The following ALG1 variants were observed in gnomAD, a reference collection of about 807,000 sequenced individuals.
ALG1 encodes ALG1 chitobiosyldiphosphodolichol beta-mannosyltransferase, also known as chitobiosyldiphosphodolichol beta-mannosyltransferase.
In ALG1, 58 loss-of-function variants were observed where a neutral mutation model predicts 55.1. The observed-to-expected ratio is 1.05, with a 90% CI of 0.85 to 1.31. ALG1 has a LOEUF of 1.31. Ranked by LOEUF, ALG1 falls within the 50% of genes most tolerant of loss-of-function variation. The pLI is 0.00. For missense variants in ALG1, 761 were observed against 598.6 expected, an observed-to-expected ratio of 1.27 and a Z score of -2.83; for synonymous variants, 309 against 247.0, an observed-to-expected ratio of 1.25 and a Z score of -2.35.
intron 9 of ALG1, among the ~76,000 whole-genome samples, chr16:5,080,578 A>G (rs1424959378): frequency 6.6e-6 from 1 of 152,116 alleles, no homozygotes; most frequent in Non-Finnish European, 1.5e-5. Flanking sequence ...AACCCGCGCC[A>G]TATGCTCTGG....
At chr16:5,077,625 TG>T in intron 5 of ALG1, 91 bp downstream of exon 5, 1 of 1,346,884 alleles carries the variant, frequency 7.4e-7, no homozygotes, top group Non-Finnish European at 1.1e-6. Flanking sequence ...GCCGTCCTGC[TG>T]AGGGGCAATT....
Position 5,071,861 on chromosome 16 carries a change from A to T in ALG1, c.12A>T (p.Ser4=), listed in dbSNP as rs1007093269. Residue 4 remains serine (S), a synonymous_variant, in exon 1 of 13, where the codon TCA becomes TCT. Coordinates refer to ENST00000262374, the MANE Select transcript of ALG1 (RefSeq NM_019109.5). ...GCGGGCCAGCCAAGATGGCGGCCTC[A>T]TGCTTGGTCCTGCTGGCGCTGTGTC... MAA[S]CLVLLALCLL... is the part of the protein sequence containing the mutation. 1.1e-5 allele frequency: 17 copies of T among 1,605,024 alleles called. No individual in the cohort carries two copies. Among genetic ancestry groups the T allele is most frequent in the African/African-American group, 1.3e-5 (1 of 74,866 alleles).
At chr16:5,073,566 C>G (rs1956857957) in intron 3 of ALG1, 1 of 433,656 alleles carries the variant, frequency 2.3e-6, no homozygotes, top group South Asian at 2.2e-5. Flanking sequence ...TAAGGTTGTT[C>G]TCATTTAGAT....
chr16:5,076,139 G>A (rs976422823), intron 4 of ALG1, among the ~76,000 whole-genome samples: 1 of 152,226 alleles, frequency 6.6e-6, no homozygotes, highest in Non-Finnish European at 1.5e-5. Flanking sequence ...GAGCTGGGAA[G>A]GTCATCTGCT....
Position 5,085,500 on chromosome 16 carries a change from G to A in ALG1, c.*619G>A. 1.3e-6 allele frequency: 1 copy of A among 775,550 alleles called. No individual in the cohort carries two copies. The highest frequency in any genetic ancestry group is 2.3e-6 in the Non-Finnish European group (1 of 440,176). 48.0% of individuals were successfully genotyped at this position (775,550 alleles called of 1,614,324 possible). On this transcript the variant is annotated 3_prime_UTR_variant, in exon 13 of 13. Coordinates refer to ENST00000262374, the MANE Select transcript of ALG1 (RefSeq NM_019109.5). ...GATGTCTTATTAGAGGGCAGTTTGT[G>A]GTTCCTGATTTGGAAATTAACATTC... is the stretch of plus-strand genomic sequence containing the variant.
intron 10 of ALG1, 107 bp downstream of exon 10, chr16:5,081,163 G>C: frequency 7.8e-7 from 1 of 1,290,318 alleles, no homozygotes. Context: ...ACGGGACCTG[G>C]GCTCTGGCTG....
In ALG1 at chr16:5,085,598, A is replaced by G. The variant is rs1340724094; in HGVS notation, c.*717A>G. 1.4e-6 allele frequency: 2 copies of G among 1,430,258 alleles called. No individual in the cohort carries two copies. Among genetic ancestry groups the G allele is most frequent in the South Asian group, 1.1e-5 (1 of 87,408 alleles). 88.6% of individuals were successfully genotyped at this position (1,430,258 alleles called of 1,614,324 possible). A position where few individuals can be genotyped will look rare whatever the true frequency, so the allele number is the denominator to read the frequency against. On this transcript the variant is annotated 3_prime_UTR_variant, in exon 13 of 13. Coordinates refer to ENST00000262374, the MANE Select transcript of ALG1 (RefSeq NM_019109.5). ...AAATTCTTCCCATGAGAGTGACTTG[A>G]TTCTCACAATCCCGTTGGAGTCGTG...
intron 3 of ALG1, among the ~76,000 whole-genome samples, chr16:5,074,755 C>T (rs1416224193): frequency 2.0e-5 from 3 of 152,160 alleles, no homozygotes; most frequent in Non-Finnish European, 4.4e-5. Context: ...CCTCTTCTCC[C>T]CCATGCTTAC....
In ALG1 at chr16:5,075,396, A is replaced by AG; in HGVS notation, c.401dup (p.Leu135SerfsTer3). On this transcript the variant is annotated frameshift_variant, in exon 4 of 13. Transcript: ENST00000262374. LOFTEE classifies it high-confidence loss of function. ...GTCTCTATCTTTCCTAGAACCCCCC[A>AG]GGTCTGCCTAGCATTGCTGTCTGCT... 17 of 1,614,112 alleles carry AG rather than the reference A, an allele frequency of 1.1e-5. No individual in the cohort carries two copies. The highest frequency in any genetic ancestry group is 1.4e-5 in the Non-Finnish European group (17 of 1,180,020).
At chr16:5,078,524 C>G in intron 6 of ALG1, 2 of 767,958 alleles carry the variant, frequency 2.6e-6, no homozygotes, top group Non-Finnish European at 4.5e-6. Context: ...ACAGTAAGTC[C>G]CGTGGAGAAA....
In ALG1 at chr16:5,072,995, A is replaced by G; in HGVS notation, c.253A>G (p.Ile85Val). The G allele has an allele frequency of 1.2e-6, 2 of 1,614,174 alleles. No homozygotes were observed. The highest frequency in any genetic ancestry group is 1.7e-6 in the Non-Finnish European group (2 of 1,180,034). ...DELLQNNRIQ[I>V]VGLTELQSLA... ...GCTCTTGCAGAACAACAGAATTCAG[A>G]TTGTGGGGTTGACAGAACTTCAGAG... Residue 85 changes from isoleucine (I) to valine (V), a missense_variant, in exon 2 of 13, where the codon ATT becomes GTT. Coordinates refer to ENST00000262374, the MANE Select transcript of ALG1 (RefSeq NM_019109.5).
chr16:5,078,586 A>G (rs576837052), intron 6 of ALG1, 171 bp from the exon 7 acceptor site: 3 of 1,130,954 alleles, frequency 2.7e-6, no homozygotes, highest in African/African-American at 1.5e-5. Flanking sequence ...CAGCAACAAT[A>G]TTAGAGAAAG....
At chr16:5,072,600 G>A (rs1338943824) in intron 1 of ALG1, among the ~76,000 whole-genome samples, 1 of 152,204 alleles carries the variant, frequency 6.6e-6, no homozygotes, top group South Asian at 2.1e-4. Context: ...TCCCTGTTTA[G>A]AATCTGCTAT....
At position 5,085,845 on chromosome 16, in the gene ALG1, T is replaced by C. The variant is rs1957144189; in HGVS notation, c.*964T>C. The C allele has an allele frequency of 1.2e-6, 1 of 847,930 alleles. No homozygotes were observed. Among genetic ancestry groups the C allele is most frequent in the East Asian group, 2.5e-5 (1 of 40,226 alleles). 52.5% of individuals were successfully genotyped at this position (847,930 alleles called of 1,614,324 possible). A position where few individuals can be genotyped will look rare whatever the true frequency, so the allele number is the denominator to read the frequency against. ...CGGGGTAGGGGGGTGTCCAAGTCAG[T>C]TTACTTGGTTCACAGGTTCCCAGGC... On this transcript the variant is annotated 3_prime_UTR_variant, in exon 13 of 13. Transcript: ENST00000262374.
chr16:5,084,135 T>C (rs1330038133), intron 12 of ALG1, among the ~76,000 whole-genome samples: 12 of 152,134 alleles, frequency 7.9e-5, no homozygotes, highest in Non-Finnish European at 4.4e-5. Flanking sequence ...TTGTTTCTTA[T>C]TGCAAAAAGT....
chr16:5,082,710 T>C, intron 11 of ALG1, 37 bp downstream of exon 11: 1 of 1,607,798 alleles, frequency 6.2e-7, no homozygotes, highest in Middle Eastern at 2.3e-4. Context: ...GGGATAGCTT[T>C]GCAGATCCAC....
rs1361763236 is a variant in ALG1 at position 5,086,070 on chromosome 16, T to C, written c.*1189T>C. Among the ~76,000 whole-genome samples the C allele has an allele frequency of 1.3e-5, 2 of 152,206 alleles. No homozygotes were observed. The stretch of plus-strand genomic sequence containing the variant: ...TTAGAAAGCGGCCGGGCACAGTGGC[T>C]CATGCCTGTAATCCCAACACTTTGG... On this transcript the variant is annotated 3_prime_UTR_variant, in exon 13 of 13. Transcript: ENST00000262374.
At chr16:5,078,476 G>A (rs1175096856) in intron 6 of ALG1, 15 of 659,922 alleles carry the variant, frequency 2.3e-5, no homozygotes, top group Non-Finnish European at 3.8e-5. Flanking sequence ...GTGGGAGGGC[G>A]TCCCTGCACC....
intron 1 of ALG1, chr16:5,072,304 G>C (rs1196275263): frequency 7.1e-7 from 1 of 1,418,168 alleles, no homozygotes; most frequent in Non-Finnish European, 9.2e-7. Flanking sequence ...AATTCTCCTA[G>C]TAAGTGGAAC....
Sources: gnomAD v4.1 joint callset for allele counts (sites outside exome capture counted in the v4.1 genomes callset) on GRCh38, gnomAD v4.1.1 for gene constraint, MANE v1.5 for transcripts, NCBI Gene and HGNC (gene_info 2026-07-23, HGNC 2026-07-21) for gene names.